ATP6V1A: variants seen among roughly 807,000 people sequenced by gnomAD.
ATP6V1A encodes ATPase H+ transporting V1 subunit A.
A neutral mutation model predicts 70.1 loss-of-function variants in ATP6V1A; 18 were observed. The observed-to-expected ratio is 0.26, with a 90% CI of 0.18 to 0.38. ATP6V1A has a LOEUF of 0.38. ATP6V1A is among the 10% of genes least tolerant of loss of function. The pLI, the probability that ATP6V1A is intolerant of heterozygous loss-of-function variation, is 1.00. For missense variants in ATP6V1A, 424 were observed against 772.4 expected (o/e 0.55, Z 5.35); for synonymous variants, 232 against 253.8 (o/e 0.91, Z 0.82).
In ATP6V1A at chr3:113,784,722, C is replaced by T. The variant is rs1225045009; in HGVS notation, c.453C>T (p.Asp151=). 4 of 1,613,930 alleles carry T rather than the reference C, an allele frequency of 2.5e-6. No homozygotes were observed. Among genetic ancestry groups the T allele is most frequent in the Non-Finnish European group, 2.5e-6 (3 of 1,179,990 alleles). ...LRVGSHITGG[D]IYGIVSENSL... ...TTGGTAGTCATATCACTGGCGGAGACATTTATGGAATTGTCAGTGAGAACT... is the reference window on the plus strand; with the variant it reads ...TTGGTAGTCATATCACTGGCGGAGATATTTATGGAATTGTCAGTGAGAACT... Residue 151 remains aspartate (D), a synonymous_variant, in exon 5 of 15, where the codon GAC becomes GAT. Coordinates refer to ENST00000273398, the MANE Select transcript of ATP6V1A (RefSeq NM_001690.4).
chr3:113,752,149 ATAAT>A (rs1245489161), intron 1 of ATP6V1A, among the ~76,000 whole-genome samples: 3 of 151,940 alleles, frequency 2.0e-5, no homozygotes, highest in African/African-American at 7.2e-5. Flanking sequence ...TTTCTGAAAA[ATAAT>A]TAAGCTTATT....
At chr3:113,774,350 T>C (rs1000577827) in intron 1 of ATP6V1A, among the ~76,000 whole-genome samples, 2 of 152,218 alleles carry the variant, frequency 1.3e-5, no homozygotes, top group African/African-American at 2.4e-5. Context: ...AGAATAAAAT[T>C]AGTAGTCATC....
chr3:113,785,313 G>C (rs186110677), intron 5 of ATP6V1A, among the ~76,000 whole-genome samples: 457 of 152,140 alleles, frequency 3.0e-3, no homozygotes, highest in African/African-American at 0.011. Flanking sequence ...GGTGGCGCAC[G>C]CCTGTAATCC....
chr3:113,788,612 C>A, intron 6 of ATP6V1A, 101 bp from the exon 7 acceptor site: 1 of 1,095,504 alleles, frequency 9.1e-7, no homozygotes, highest in Non-Finnish European at 1.3e-6. Flanking sequence ...CCCACAAGTG[C>A]TGCTGGGATT....
At chr3:113,752,052 T>G (rs1397623522) in intron 1 of ATP6V1A, among the ~76,000 whole-genome samples, 1 of 151,912 alleles carries the variant, frequency 6.6e-6, no homozygotes, top group African/African-American at 2.4e-5. Context: ...AAAATTTCAG[T>G]TTTGGATCTT....
intron 1 of ATP6V1A, among the ~76,000 whole-genome samples, chr3:113,765,965 C>A (rs1708765823): frequency 6.6e-6 from 1 of 152,058 alleles, no homozygotes; most frequent in South Asian, 2.1e-4. Context: ...ACAATCAATT[C>A]TTGTTTTACT....
intron 8 of ATP6V1A, among the ~76,000 whole-genome samples, chr3:113,790,238 G>A (rs1248459147): frequency 1.3e-5 from 2 of 150,010 alleles, no homozygotes; most frequent in African/African-American, 4.9e-5. Flanking sequence ...GGGAGGCAGA[G>A]GTTGCAGCGA....
chr3:113,766,316 G>T (rs1412481512), intron 1 of ATP6V1A, among the ~76,000 whole-genome samples: 4 of 151,694 alleles, frequency 2.6e-5, no homozygotes, highest in African/African-American at 9.7e-5. Flanking sequence ...CGCTTCCCTT[G>T]AGACAGTCTC....
chr3:113,776,998 G>T (rs989409666), intron 1 of ATP6V1A, among the ~76,000 whole-genome samples: 1 of 152,102 alleles, frequency 6.6e-6, no homozygotes, highest in Non-Finnish European at 1.5e-5. Flanking sequence ...GTAAATAAGG[G>T]TATATTATTT....
At chr3:113,764,812 C>T (rs1708750501) in intron 1 of ATP6V1A, among the ~76,000 whole-genome samples, 1 of 151,958 alleles carries the variant, frequency 6.6e-6, no homozygotes. Context: ...TGGCTCATGC[C>T]TGTAATCCCA....
At chr3:113,747,294 C>A (rs1708534231) in intron 1 of ATP6V1A, 181 bp downstream of exon 1, 1 of 152,282 alleles carries the variant, frequency 6.6e-6, no homozygotes. Context: ...TGTGGTCGTT[C>A]CCGCTACTTG....
In ATP6V1A at chr3:113,789,918, T is replaced by G. The variant is rs534488387; in HGVS notation, c.988+78T>G. On this transcript the variant is annotated intron_variant, in intron 8 of 14. Transcript: ENST00000273398. Reference sequence around the variant, plus strand: ...CTAGCACCAAACTTTTCTAAAGAGCTTTTTACTTTCATTCTAAAATATCTC... The same window carrying G: ...CTAGCACCAAACTTTTCTAAAGAGCGTTTTACTTTCATTCTAAAATATCTC... 1.0e-4 allele frequency: 111 copies of G among 1,059,308 alleles called. 2 individuals are homozygous for G. In the South Asian group the frequency reaches 1.4e-3, roughly 14 times the overall value. The allele number at this position is 1,059,308 out of a possible 1,614,324, so 65.6% of individuals were successfully genotyped here. A position where few individuals can be genotyped will look rare whatever the true frequency, so the allele number is the denominator to read the frequency against.
chr3:113,747,267 AC>A, intron 1 of ATP6V1A, 154 bp downstream of exon 1: 1 of 152,030 alleles, frequency 6.6e-6, no homozygotes, highest in Non-Finnish European at 1.5e-5. Flanking sequence ...TTTCTCCTTA[AC>A]CCCCGCTCCC....
At chr3:113,797,788 T>C (rs1709169007) in intron 11 of ATP6V1A, among the ~76,000 whole-genome samples, 1 of 152,222 alleles carries the variant, frequency 6.6e-6, no homozygotes, top group African/African-American at 2.4e-5. Context: ...TTATTCTGTT[T>C]TAATTTTACT....
At chr3:113,780,873 T>C in intron 2 of ATP6V1A, 177 bp from the exon 3 acceptor site, 1 of 1,304,040 alleles carries the variant, frequency 7.7e-7, no homozygotes, top group Non-Finnish European at 1.0e-6. Context: ...CTTTATATTA[T>C]ACACTAAAAT....
chr3:113,788,815 C>T lies in ATP6V1A; in HGVS notation c.819C>T (p.Ile273=), dbSNP rs948043704. 3 of 1,613,760 alleles carry T rather than the reference C, an allele frequency of 1.9e-6. No individual in the cohort carries two copies. The Admixed American group carries it at 5.0e-5, about 27-fold the overall frequency. ...AGTATTCTAACAGTGATGTAATCAT[C>T]TATGTAGGATGTGGTGAAAGAGGAA... The part of the protein sequence containing the change: ...LSKYSNSDVI[I]YVGCGERGNE... Residue 273 remains isoleucine, a synonymous_variant, in exon 7 of 15, where the codon ATC becomes ATT. Transcript: ENST00000273398.
At chr3:113,770,415 T>C (rs901085131) in intron 1 of ATP6V1A, among the ~76,000 whole-genome samples, 42 of 151,934 alleles carry the variant, frequency 2.8e-4, no homozygotes, top group Non-Finnish European at 3.2e-4. Context: ...CGGTGGCTTA[T>C]GCCTGTAATC....
chr3:113,757,130 A>G (rs1284925587), intron 1 of ATP6V1A, among the ~76,000 whole-genome samples: 1 of 152,198 alleles, frequency 6.6e-6, no homozygotes, highest in Non-Finnish European at 1.5e-5. Flanking sequence ...TCCAAAATAG[A>G]CACTTAAAAT....
At chr3:113,802,594 T>C (rs1336306504) in intron 12 of ATP6V1A, among the ~76,000 whole-genome samples, 1 of 152,058 alleles carries the variant, frequency 6.6e-6, no homozygotes, top group Non-Finnish European at 1.5e-5. Context: ...CCCAAAGTGC[T>C]GGGATTATAG....
Sources: allele counts gnomAD v4.1 joint callset (sites outside exome capture counted in the v4.1 genomes callset), GRCh38; gene constraint gnomAD v4.1.1; transcripts MANE v1.5; gene names NCBI Gene and HGNC (gene_info 2026-07-23, HGNC 2026-07-21).